The following SUSD1 variants were observed in gnomAD, a reference collection of about 807,000 sequenced individuals.
SUSD1 encodes sushi domain-containing protein 1.
In SUSD1, 65 loss-of-function variants were observed where a neutral mutation model predicts 86.9. That is an observed-to-expected ratio of 0.75 (90% CI 0.61 to 0.92). SUSD1 has a LOEUF of 0.92. Ranked by LOEUF, SUSD1 falls within the 40% of genes least tolerant of loss-of-function variation. SUSD1 has a pLI of 0.00. For synonymous variants in SUSD1, 346 were observed against 350.0 expected (o/e 0.99, Z 0.13); for missense variants, 850 against 929.7 (o/e 0.91, Z 1.11).
intron 10 of SUSD1, among the ~76,000 whole-genome samples, chr9:112,096,791 T>C (rs756604141): frequency 1.3e-5 from 2 of 152,190 alleles, no homozygotes; most frequent in Admixed American, 6.5e-5. Context: ...CCACCCGCCT[T>C]GGCCTCCCAT....
chr9:112,161,932 A>G (rs965229899), intron 1 of SUSD1, among the ~76,000 whole-genome samples: 24 of 152,202 alleles, frequency 1.6e-4, no homozygotes, highest in Non-Finnish European at 3.1e-4. Flanking sequence ...TGGTTGCACA[A>G]CAATATACAA....
chr9:112,097,308 G>C (rs2085836786), intron 10 of SUSD1, among the ~76,000 whole-genome samples: 1 of 150,900 alleles, frequency 6.6e-6, no homozygotes, highest in Non-Finnish European at 1.5e-5. Context: ...CTGGGTGACA[G>C]AGCGAGACTC....
At position 112,169,675 on chromosome 9, in the gene SUSD1, CT is replaced by C. The variant is rs36110944; in HGVS notation, c.103+5457del. 4.3e-3 allele frequency among the ~76,000 whole-genome samples: 600 copies of C among 137,958 alleles called. 4 individuals carry two copies. The highest frequency in any genetic ancestry group is 0.011 in the African/African-American group (424 of 38,092). 90.5% of individuals were successfully genotyped at this position (137,958 alleles called of 152,430 possible). A position where few individuals can be genotyped will look rare whatever the true frequency, so the allele number is the denominator to read the frequency against. On this transcript the variant is annotated intron_variant, in intron 1 of 16. Transcript: ENST00000374270. ...TGATTCATTCTCCAGAAGGGTGTAC[CT>C]TTTTTTTTTTTTTTTGAGATGGAGT...
At chr9:112,052,129 A>G (rs1828239968) in intron 15 of SUSD1, 5 of 1,392,162 alleles carry the variant, frequency 3.6e-6, no homozygotes, top group Non-Finnish European at 3.7e-6. Flanking sequence ...AACTGAAACA[A>G]GAGAAAAATA....
At chr9:112,070,832 A>G (rs1254768393) in intron 12 of SUSD1, among the ~76,000 whole-genome samples, 1 of 152,220 alleles carries the variant, frequency 6.6e-6, no homozygotes, top group Non-Finnish European at 1.5e-5. Context: ...AAGAGACCCA[A>G]AGAAATGCAC....
chr9:112,107,373 C>T lies in SUSD1; in HGVS notation c.1171+4281G>A, dbSNP rs546613567. Among the ~76,000 whole-genome samples, 10 of 151,692 alleles carry T rather than the reference C, an allele frequency of 6.6e-5. No homozygotes were observed. The South Asian group carries it at 2.1e-3, about 32-fold the overall frequency. On this transcript the variant is annotated intron_variant, in intron 8 of 16. Coordinates refer to ENST00000374270, the MANE Select transcript of SUSD1 (RefSeq NM_022486.5). ...CTAAGGCACAAGAATCGCTTAAAAC[C>T]GGGAGGCCAAGGTTTCAGTGAGCCA... is the stretch of plus-strand genomic sequence containing the variant.
At chr9:112,142,751 T>C (rs1407912459) in intron 4 of SUSD1, among the ~76,000 whole-genome samples, 2 of 152,108 alleles carry the variant, frequency 1.3e-5, no homozygotes, top group Admixed American at 1.3e-4. Context: ...CCCTCACTAA[T>C]TTACACTAAC....
intron 10 of SUSD1, among the ~76,000 whole-genome samples, chr9:112,089,108 AAAACAAACAAATAAAC>A (rs1321575500): frequency 9.8e-5 from 15 of 152,330 alleles, no homozygotes; most frequent in Admixed American, 9.2e-4. Context: ...TCCTGTCTTA[AAAACAAACAAATAAAC>A]AAACAAACAA....
intron 10 of SUSD1, among the ~76,000 whole-genome samples, chr9:112,086,560 AAGAGAGAGAGAG>A (rs71382404): frequency 7.3e-6 from 1 of 136,240 alleles, no homozygotes; most frequent in Non-Finnish European, 1.5e-5. Flanking sequence ...GAAAGAAAGA[AAGAGAGAGAGAG>A]AGAGAGAGAG....
intron 2 of SUSD1, among the ~76,000 whole-genome samples, chr9:112,156,227 G>T (rs1288227268): frequency 6.6e-6 from 1 of 151,966 alleles, no homozygotes; most frequent in Admixed American, 6.6e-5. Context: ...ACTTTGGGAG[G>T]CCAAGGCTGG....
rs185589876 is a variant in SUSD1, at chr9:112,121,579, G to C, written c.886+2678C>G. On this transcript the variant is annotated intron_variant, in intron 6 of 16. Transcript: ENST00000374270. ...TCCTCAAATTCCCATCCCCAACATC[G>C]TTATGAACCACTGCTCTATGGACAA... Among the ~76,000 whole-genome samples, 3 of 152,232 alleles carry C rather than the reference G, an allele frequency of 2.0e-5. No individual in the cohort carries two copies. The South Asian group carries it at 6.2e-4, about 32-fold the overall frequency.
Position 112,052,457 on chromosome 9 carries a change from C to T in SUSD1, c.2110-19G>A, listed in dbSNP as rs764643618. 11 of 1,613,936 alleles carry T rather than the reference C, an allele frequency of 6.8e-6. No homozygotes were observed. The highest frequency in any genetic ancestry group is 8.5e-6 in the Non-Finnish European group (10 of 1,179,958). On this transcript the variant is annotated intron_variant, in intron 14 of 16. Transcript: ENST00000374270. ...TTCTCACCTATAAAGGAAAACATAG[C>T]AATGCATTTAGCTAGGTGGCACACA...
chr9:112,065,434 T>C (rs1005018155), intron 12 of SUSD1, among the ~76,000 whole-genome samples: 2 of 151,856 alleles, frequency 1.3e-5, no homozygotes, highest in East Asian at 3.9e-4. Context: ...CTGAGGCAGG[T>C]GAATTGCTTG....
chr9:112,120,023 G>A (rs1010929786), intron 6 of SUSD1, among the ~76,000 whole-genome samples: 2 of 152,056 alleles, frequency 1.3e-5, no homozygotes, highest in Non-Finnish European at 2.9e-5. Context: ...AGATGAGAGG[G>A]GAAGCCAAAC....
At chr9:112,172,128 A>C (rs1834070032) in intron 1 of SUSD1, among the ~76,000 whole-genome samples, 1 of 151,754 alleles carries the variant, frequency 6.6e-6, no homozygotes, top group Non-Finnish European at 1.5e-5. Flanking sequence ...CCCAGGAGGC[A>C]GAGGTTGCAG....
At chr9:112,149,212 A>G (rs754252046) in intron 3 of SUSD1, 32 bp downstream of exon 3, 14 of 1,611,482 alleles carry the variant, frequency 8.7e-6, no homozygotes, top group Admixed American at 3.3e-5. Flanking sequence ...GCCATCGCCA[A>G]TTGTCAACAC....
intron 2 of SUSD1, among the ~76,000 whole-genome samples, chr9:112,154,570 G>C (rs1833212401): frequency 6.6e-6 from 1 of 152,070 alleles, no homozygotes; most frequent in African/African-American, 2.4e-5. Context: ...TAAGAGCTTA[G>C]AGAGACAGAG....
Position 112,175,250 on chromosome 9 carries a change from C to G in SUSD1, c.-15G>C. 1 of 1,151,036 alleles carries G rather than the reference C, an allele frequency of 8.7e-7. No homozygotes were observed. Among genetic ancestry groups the G allele is most frequent in the Non-Finnish European group, 1.1e-6 (1 of 936,512 alleles). 71.3% of individuals were successfully genotyped at this position (1,151,036 alleles called of 1,614,324 possible). On this transcript the variant is annotated 5_prime_UTR_variant, in exon 1 of 17. Coordinates refer to ENST00000374270, the MANE Select transcript of SUSD1 (RefSeq NM_022486.5). The surrounding 1 kb of genome is among the most constrained non-coding windows in gnomAD (Gnocchi z 4.7). ...CCCCGGCCCATGCCGCCGCCGGTCC[C>G]TCCCGGCGCGCCCGCGCCTCCTCCC... is the stretch of plus-strand genomic sequence containing the variant.
At chr9:112,141,727 TTATATATAA>T (rs1340423632) in intron 5 of SUSD1, among the ~76,000 whole-genome samples, 2 of 135,852 alleles carry the variant, frequency 1.5e-5, no homozygotes, top group Non-Finnish European at 3.1e-5. Context: ...ATGTAATGTA[TTATATATAA>T]TATATATTAC....
Sources: allele counts gnomAD v4.1 joint callset (sites outside exome capture counted in the v4.1 genomes callset), GRCh38; gene constraint gnomAD v4.1.1; non-coding constraint Gnocchi (gnomAD v3.1); transcripts MANE v1.5; gene names NCBI Gene and HGNC (gene_info 2026-07-23, HGNC 2026-07-21).